HTT: variants seen among roughly 807,000 people sequenced by gnomAD.
HTT encodes the protein huntingtin.
A neutral mutation model predicts 362.3 loss-of-function variants in HTT; 104 were observed. The ratio of observed to expected loss-of-function variants is 0.29; its 90% CI spans 0.24 to 0.34. The LOEUF is 0.34. HTT is among the 10% of genes least tolerant of loss of function. HTT has a pLI of 1.00. For missense variants in HTT, 3,301 were observed against 3,928.6 expected (o/e 0.84, Z 4.27); for synonymous variants, 1,577 against 1,548.7 (o/e 1.02, Z -0.43).
At chr4:3,075,133 G>A in intron 1 of HTT, 45 bp downstream of exon 1, 1 of 1,210,220 alleles carries the variant, frequency 8.3e-7, no homozygotes, top group Non-Finnish European at 1.0e-6. Context: ...CGGGTCCCAG[G>A]CTACGGCGGG....
chr4:3,111,005 A>G (rs1179836697), intron 6 of HTT, among the ~76,000 whole-genome samples: 1 of 151,590 alleles, frequency 6.6e-6, no homozygotes, highest in Non-Finnish European at 1.5e-5. Context: ...ATTCATTGTT[A>G]TGTTTTTAAC....
chr4:3,118,160 A>G (rs1715122747), intron 8 of HTT, among the ~76,000 whole-genome samples: 1 of 152,144 alleles, frequency 6.6e-6, no homozygotes. Context: ...TTTCCTGTAA[A>G]TCAATAATTG....
Position 3,131,769 on chromosome 4 carries a change from T to C in HTT, c.2230T>C (p.Tyr744His). The C allele has an allele frequency of 6.2e-7, 1 of 1,610,990 alleles. No individual in the cohort carries two copies. The highest frequency in any genetic ancestry group is 8.5e-7 in the Non-Finnish European group (1 of 1,178,968). ...TAAAGTTCCTCTTGACACCACGGAA[T>C]ACCCTGGTATGTTAAAAGTTCACAT... ...LYKVPLDTTE[Y>H]PEEQYVSDIL... The change falls in exon 16 of 67, where the codon TAC (tyrosine) becomes CAC (histidine). Residue 744 changes from tyrosine (Y) to histidine (H), a missense_variant. Tyr to His is a moderately conservative substitution (Grantham distance 83, BLOSUM62 2). Transcript: ENST00000355072.
chr4:3,204,245 C>G (rs1317801555), intron 42 of HTT, 97 bp downstream of exon 42: 2 of 1,208,162 alleles, frequency 1.7e-6, no homozygotes, highest in Non-Finnish European at 2.4e-6. Context: ...GGAACCCAGA[C>G]CGCCCGGTGT....
intron 52 of HTT, among the ~76,000 whole-genome samples, chr4:3,219,057 A>G (rs906150947): frequency 2.6e-5 from 4 of 152,216 alleles, no homozygotes; most frequent in African/African-American, 7.2e-5. Context: ...GGTATTCCAG[A>G]TGGCGGGCTT....
rs972434893 is a variant in HTT, at chr4:3,243,581, C to G, written c.*3522C>G. The G allele has an allele frequency of 5.3e-5, 8 of 152,300 alleles. No homozygotes were observed. The highest frequency in any genetic ancestry group is 2.0e-4 in the Admixed American group (3 of 15,294). 9.4% of individuals were successfully genotyped at this position (152,300 alleles called of 1,614,324 possible). ...CAGGGGCCGCTCTTCCCCCATGTGCCTGTCACGCTCTGGTGCAGTCAAAGG... is the reference window on the plus strand; with the variant it reads ...CAGGGGCCGCTCTTCCCCCATGTGCGTGTCACGCTCTGGTGCAGTCAAAGG... On this transcript the variant is annotated 3_prime_UTR_variant, in exon 67 of 67. Coordinates refer to ENST00000355072, the MANE Select transcript of HTT (RefSeq NM_001388492.1).
intron 37 of HTT, among the ~76,000 whole-genome samples, chr4:3,183,490 A>G (rs1018803107): frequency 3.3e-5 from 5 of 152,254 alleles, no homozygotes; most frequent in Admixed American, 2.0e-4. Flanking sequence ...ACTACTCTGT[A>G]TAGTACGAGT....
Position 3,206,694 on chromosome 4 carries a change from G to T in HTT, c.5898+19G>T. Reference sequence around the variant, plus strand: ...TTCAACTGTACGTCTTCATCCTGCCGACTATTGCCAGTTGCAGTTTTCCCT... The same window carrying T: ...TTCAACTGTACGTCTTCATCCTGCCTACTATTGCCAGTTGCAGTTTTCCCT... On this transcript the variant is annotated intron_variant, in intron 43 of 66. Coordinates refer to ENST00000355072, the MANE Select transcript of HTT (RefSeq NM_001388492.1). The surrounding 1 kb of genome is among the most constrained non-coding windows in gnomAD (Gnocchi z 4.6). 1 of 1,603,066 alleles carries T rather than the reference G, an allele frequency of 6.2e-7. No individual in the cohort carries two copies. The highest frequency in any genetic ancestry group is 8.5e-7 in the Non-Finnish European group (1 of 1,171,684).
intron 38 of HTT, among the ~76,000 whole-genome samples, chr4:3,186,984 G>A (rs755709712): frequency 2.0e-5 from 3 of 150,794 alleles, no homozygotes; most frequent in East Asian, 2.0e-4. Flanking sequence ...TCAGCCTCCC[G>A]AGTTGCTGGG....
chr4:3,211,387 A>G (rs987348657), intron 47 of HTT, among the ~76,000 whole-genome samples: 3 of 152,260 alleles, frequency 2.0e-5, no homozygotes, highest in African/African-American at 7.2e-5. Flanking sequence ...GTATTAAACT[A>G]AGATAGATGT....
intron 66 of HTT, 69 bp from the exon 67 acceptor site, chr4:3,239,777 C>A: frequency 7.9e-7 from 1 of 1,270,492 alleles, no homozygotes; most frequent in South Asian, 1.3e-5. Context: ...AGGAGAGGAA[C>A]TCCCAGGTGA....
At chr4:3,158,829 A>G (rs992528823) in intron 28 of HTT, among the ~76,000 whole-genome samples, 1 of 152,056 alleles carries the variant, frequency 6.6e-6, no homozygotes, top group African/African-American at 2.4e-5. Flanking sequence ...TAGAGAAGAT[A>G]CTTCTTTTCC....
intron 8 of HTT, among the ~76,000 whole-genome samples, chr4:3,118,507 C>T (rs894057427): frequency 1.1e-4 from 17 of 152,174 alleles, no homozygotes; most frequent in African/African-American, 4.1e-4. Context: ...AAAATGTGGT[C>T]TTTGCTAAGT....
At chr4:3,185,587 A>G (rs187740125) in intron 37 of HTT, among the ~76,000 whole-genome samples, 1 of 152,338 alleles carries the variant, frequency 6.6e-6, no homozygotes, top group East Asian at 1.9e-4. Flanking sequence ...GTATAAGCTT[A>G]GACTATTTTA....
At position 3,235,358 on chromosome 4, in the gene HTT, C is replaced by T. The variant is rs780136059; in HGVS notation, c.8531C>T (p.Pro2844Leu). 3 of 1,613,698 alleles carry T rather than the reference C, an allele frequency of 1.9e-6. No homozygotes were observed. The highest frequency in any genetic ancestry group is 3.3e-5 in the Admixed American group (2 of 60,000). The change falls in exon 62 of 67, where the codon CCT becomes CTT. Residue 2844 changes from proline to leucine, a missense_variant. By Grantham distance (98) the Pro-to-Leu change is moderately conservative. Transcript: ENST00000355072. ...ATAFYLIENYPLDVGPEFSAS... is the reference protein window; with the variant it reads ...ATAFYLIENYLLDVGPEFSAS... ...GCGTTTTACCTCATTGAGAACTATC[C>T]TCTGGACGTAGGGCCGGAATTTTCA...
chr4:3,168,952 G>GGT (rs1717839245), intron 29 of HTT, among the ~76,000 whole-genome samples: 1 of 151,620 alleles, frequency 6.6e-6, no homozygotes, highest in South Asian at 2.1e-4. Context: ...GGTTTATTGA[G>GGT]GTTGGGTCTG....
In HTT at chr4:3,201,573, T is replaced by G. The variant is rs150810164; in HGVS notation, c.5576+1634T>G. Among the ~76,000 whole-genome samples, 381 of 151,962 alleles carry G rather than the reference T, an allele frequency of 2.5e-3. 1 individual carries two copies. The highest frequency in any genetic ancestry group is 8.8e-3 in the African/African-American group (365 of 41,424). On this transcript the variant is annotated intron_variant, in intron 41 of 66. Transcript: ENST00000355072. Reference sequence around the variant, plus strand: ...AAAAAATTAATGGATCAATGGATTTTTAACCTAATAATTAAATTTCAAAAA... The same window carrying G: ...AAAAAATTAATGGATCAATGGATTTGTAACCTAATAATTAAATTTCAAAAA...
rs1715284448 is a variant in HTT, at chr4:3,121,305, G to C, written c.1146G>C (p.Gln382His). 6.2e-7 allele frequency: 1 copy of C among 1,614,148 alleles called. No homozygotes were observed. The highest frequency in any genetic ancestry group is 8.5e-7 in the Non-Finnish European group (1 of 1,179,992). The change falls in exon 9 of 67, where the codon CAG (glutamine) becomes CAC (histidine). Residue 382 changes from glutamine to histidine, a missense_variant. By Grantham distance (24) the Gln-to-His change is conservative. Transcript: ENST00000355072. ...VVTGALELLQ[Q>H]LFRTPPPELL... ...CCGGAGCCCTGGAGCTGTTGCAGCA[G>C]CTCTTCAGAACGCCTCCACCCGAGC...
chr4:3,140,921 T>G (rs1716314964), intron 22 of HTT, among the ~76,000 whole-genome samples: 1 of 151,464 alleles, frequency 6.6e-6, no homozygotes, highest in Non-Finnish European at 1.5e-5. Flanking sequence ...ACAGTTGTAT[T>G]TTTGTTTGTG....
Sources: allele counts gnomAD v4.1 joint callset (sites outside exome capture counted in the v4.1 genomes callset), GRCh38; gene constraint gnomAD v4.1.1; non-coding constraint Gnocchi (gnomAD v3.1); transcripts MANE v1.5; gene names NCBI Gene and HGNC (gene_info 2026-07-23, HGNC 2026-07-21).